TRERF1: variants seen among roughly 807,000 people sequenced by gnomAD.
The protein encoded by TRERF1 is transcriptional regulating factor 1, also known as transcriptional-regulating factor 1.
In TRERF1, 27 loss-of-function variants were observed where a neutral mutation model predicts 122.9. The observed-to-expected ratio is 0.22, with a 90% CI of 0.16 to 0.30. The LOEUF is 0.30. Among genes scored for constraint, TRERF1 ranks in the 10% least tolerant of loss-of-function variants. The pLI, the probability that TRERF1 is intolerant of heterozygous loss-of-function variation, is 1.00. For synonymous variants in TRERF1, 636 were observed against 641.7 expected, an observed-to-expected ratio of 0.99 and a Z score of 0.13; for missense variants, 1,248 against 1,560.3, an observed-to-expected ratio of 0.80 and a Z score of 3.37.
chr6:42,355,182 T>C (rs573797515), intron 3 of TRERF1, among the ~76,000 whole-genome samples: 2 of 152,354 alleles, frequency 1.3e-5, no homozygotes, highest in East Asian at 1.9e-4. Context: ...AGTAAGTATA[T>C]AGCGGCAGTG....
chr6:42,449,266 G>C (rs931773073), intron 2 of TRERF1, among the ~76,000 whole-genome samples: 2 of 152,196 alleles, frequency 1.3e-5, no homozygotes, highest in Non-Finnish European at 2.9e-5. Context: ...GCTCTTTTTG[G>C]GATGTCAAGC....
At chr6:42,444,178 C>CTTTTTTTTTTTTTTTTTTTT (rs201969394) in intron 2 of TRERF1, among the ~76,000 whole-genome samples, 1 of 133,860 alleles carries the variant, frequency 7.5e-6, no homozygotes, top group Non-Finnish European at 1.6e-5. Flanking sequence ...GCAGCCTTTG[C>CTTTTTTTTTTTTTTTTTTTT]TTTTTTTTTT....
chr6:42,434,006 G>A (rs534942029), intron 2 of TRERF1, among the ~76,000 whole-genome samples: 2 of 152,152 alleles, frequency 1.3e-5, no homozygotes, highest in Non-Finnish European at 2.9e-5. Flanking sequence ...TTAGGCAACA[G>A]AGTGAGCAAG....
intron 3 of TRERF1, among the ~76,000 whole-genome samples, chr6:42,344,442 C>T (rs1185590851): frequency 6.6e-6 from 1 of 152,100 alleles, no homozygotes; most frequent in Non-Finnish European, 1.5e-5. Context: ...GAGTTATTTA[C>T]CCAAAACCGT....
intron 2 of TRERF1, among the ~76,000 whole-genome samples, chr6:42,375,215 T>G (rs1774620037): frequency 6.6e-6 from 1 of 152,008 alleles, no homozygotes; most frequent in Admixed American, 6.6e-5. Context: ...GTGCCTGGCA[T>G]ATGGTAGGCA....
intron 2 of TRERF1, among the ~76,000 whole-genome samples, chr6:42,450,407 C>G (rs1788262452): frequency 6.6e-6 from 1 of 152,218 alleles, no homozygotes; most frequent in African/African-American, 2.4e-5. Flanking sequence ...ACAAGACAGC[C>G]CAGGCCATGC....
At chr6:42,285,178 T>G (rs1782980176) in intron 4 of TRERF1, among the ~76,000 whole-genome samples, 1 of 152,202 alleles carries the variant, frequency 6.6e-6, no homozygotes, top group Admixed American at 6.5e-5. Flanking sequence ...TTTGTAGTTC[T>G]CCTTGAAGAG....
exon 7 of TRERF1, chr6:42,264,744 C>T (rs373334956): frequency 2.5e-5 from 41 of 1,614,048 alleles, no homozygotes; most frequent in Non-Finnish European, 3.3e-5. Context: ...CCCGTGGGAC[C>T]GCATGTGGCC....
intron 2 of TRERF1, among the ~76,000 whole-genome samples, chr6:42,438,093 TG>T (rs1456645884): frequency 6.6e-6 from 1 of 151,718 alleles, no homozygotes; most frequent in Admixed American, 6.6e-5. Flanking sequence ...GGCTAATTTT[TG>T]TATTTTCAGT....
chr6:42,310,598 C>T (rs941893867), intron 3 of TRERF1, among the ~76,000 whole-genome samples: 3 of 152,088 alleles, frequency 2.0e-5, no homozygotes, highest in African/African-American at 7.2e-5. Flanking sequence ...TGCTAAACAC[C>T]CTGGAAGGCA....
At chr6:42,366,489 G>A (rs1291505225) in intron 2 of TRERF1, among the ~76,000 whole-genome samples, 1 of 152,156 alleles carries the variant, frequency 6.6e-6, no homozygotes, top group Non-Finnish European at 1.5e-5. Context: ...CTCTAACGGG[G>A]AGGAGGATGG....
chr6:42,339,716 C>T (rs1766883691), intron 3 of TRERF1, among the ~76,000 whole-genome samples: 2 of 152,154 alleles, frequency 1.3e-5, no homozygotes, highest in South Asian at 4.1e-4. Context: ...TCAACAAAGA[C>T]AACAGGCCCT....
rs936534560 is a variant in TRERF1 at position 42,262,521 on chromosome 6, G to C, written c.1884+799C>G. ...AGAGAGAGAGAGAGAGAGAGAGAGAGAGAGAGAGAGAGAGAGAGAGAGAGA... is the reference window on the plus strand; with the variant it reads ...AGAGAGAGAGAGAGAGAGAGAGAGACAGAGAGAGAGAGAGAGAGAGAGAGA... On this transcript the variant is annotated intron_variant, in intron 8 of 17. Coordinates refer to ENST00000372922, the Ensembl canonical transcript of TRERF1. Among the ~76,000 whole-genome samples the C allele has an allele frequency of 5.1e-4, 20 of 39,130 alleles. 3 individuals carry two copies. The South Asian group carries it at 5.9e-3, about 12-fold the overall frequency. 25.7% of individuals were successfully genotyped at this position (39,130 alleles called of 152,430 possible).
At chr6:42,381,422 A>T (rs756049070) in intron 2 of TRERF1, among the ~76,000 whole-genome samples, 12 of 151,848 alleles carry the variant, frequency 7.9e-5, no homozygotes, top group Admixed American at 7.2e-4. Context: ...CCATTAACCT[A>T]TCTGAATATG....
chr6:42,240,381 C>T (rs1354441976), intron 15 of TRERF1, among the ~76,000 whole-genome samples: 1 of 152,210 alleles, frequency 6.6e-6, no homozygotes, highest in African/African-American at 2.4e-5. Flanking sequence ...TTCCAAAACA[C>T]GGCACTGACA....
chr6:42,431,727 CCCCCAA>C (rs1784530622), intron 2 of TRERF1, among the ~76,000 whole-genome samples: 1 of 151,652 alleles, frequency 6.6e-6, no homozygotes, highest in South Asian at 2.1e-4. Context: ...CACCAGGGAC[CCCCCAA>C]CCCCACAATA....
At chr6:42,331,306 T>C (rs554860738) in intron 3 of TRERF1, among the ~76,000 whole-genome samples, 90 of 152,172 alleles carry the variant, frequency 5.9e-4, no homozygotes, top group African/African-American at 2.0e-3. Context: ...GTGATCTGCT[T>C]GGTGAAGTCC....
chr6:42,304,224 G>A (rs1786745174), intron 3 of TRERF1, among the ~76,000 whole-genome samples: 1 of 152,250 alleles, frequency 6.6e-6, no homozygotes, highest in African/African-American at 2.4e-5. Context: ...TCACGGGGGT[G>A]TTACTTTCTA....
chr6:42,347,179 G>C (rs1193827246), intron 3 of TRERF1, among the ~76,000 whole-genome samples: 1 of 152,138 alleles, frequency 6.6e-6, no homozygotes, highest in Non-Finnish European at 1.5e-5. Flanking sequence ...GGCACACTCA[G>C]CTCTTGAAGC....
Sources: allele counts gnomAD v4.1 joint callset (sites outside exome capture counted in the v4.1 genomes callset), GRCh38; gene constraint gnomAD v4.1.1; transcripts MANE v1.5; gene names NCBI Gene and HGNC (gene_info 2026-07-23, HGNC 2026-07-21).